EFNA5: variants seen among roughly 807,000 people sequenced by gnomAD.
EFNA5 encodes ephrin-A5.
In EFNA5, 5 loss-of-function variants were observed where a neutral mutation model predicts 22.9. That is an observed-to-expected ratio of 0.22 (90% confidence interval 0.11 to 0.46). EFNA5 has a LOEUF of 0.46. Among genes scored for constraint, EFNA5 ranks in the 20% least tolerant of loss-of-function variants. EFNA5 has a pLI of 0.99. For synonymous variants in EFNA5, 113 were observed against 112.2 expected, an observed-to-expected ratio of 1.01 and a Z score of -0.04; for missense variants, 237 against 293.3, an observed-to-expected ratio of 0.81 and a Z score of 1.40.
chr5:107,662,182 C>T (rs1048422008), intron 1 of EFNA5, among the ~76,000 whole-genome samples: 7 of 152,104 alleles, frequency 4.6e-5, no homozygotes, highest in Admixed American at 6.5e-5. Context: ...AAGTTTTCTG[C>T]GCAAAAATGG....
chr5:107,525,826 T>C (rs376697828), intron 1 of EFNA5, among the ~76,000 whole-genome samples: 2 of 152,098 alleles, frequency 1.3e-5, no homozygotes, highest in African/African-American at 2.4e-5. Flanking sequence ...TTAACTTTTA[T>C]TGAAAAAAAT....
At chr5:107,662,335 T>C (rs1024498069) in intron 1 of EFNA5, among the ~76,000 whole-genome samples, 2 of 152,180 alleles carry the variant, frequency 1.3e-5, no homozygotes, top group Non-Finnish European at 2.9e-5. Context: ...ATAAGTAATA[T>C]TTCACTGTGC....
chr5:107,586,849 G>C (rs569523018), intron 1 of EFNA5, among the ~76,000 whole-genome samples: 2 of 152,296 alleles, frequency 1.3e-5, no homozygotes, highest in East Asian at 3.9e-4. Context: ...GTTTTCAGCT[G>C]TTAAGCATAT....
chr5:107,643,049 A>T (rs1169812844), intron 1 of EFNA5, among the ~76,000 whole-genome samples: 1 of 152,190 alleles, frequency 6.6e-6, no homozygotes, highest in East Asian at 1.9e-4. Context: ...ATATTGAGAC[A>T]AATCAGTAGG....
chr5:107,521,777 G>C (rs1476136527), intron 1 of EFNA5, among the ~76,000 whole-genome samples: 1 of 152,124 alleles, frequency 6.6e-6, no homozygotes, highest in East Asian at 1.9e-4. Context: ...CCATCGTAAA[G>C]TGCATAAATT....
chr5:107,653,772 T>C (rs1241167693), intron 1 of EFNA5, among the ~76,000 whole-genome samples: 1 of 152,022 alleles, frequency 6.6e-6, no homozygotes, highest in Non-Finnish European at 1.5e-5. Context: ...CAACACTGAT[T>C]ATTGCAGTCT....
chr5:107,595,139 T>C lies in EFNA5; in HGVS notation c.125+75350A>G, dbSNP rs1053065031. ...AACCAAGATTGAACCTTTGGTTTAA[T>C]TTTTTTTTTTAAACTTTGATTACAC... On this transcript the variant is annotated intron_variant, in intron 1 of 4. Coordinates refer to ENST00000333274, the MANE Select transcript of EFNA5 (RefSeq NM_001962.3). Among the ~76,000 whole-genome samples the C allele has an allele frequency of 1.2e-4, 13 of 111,006 alleles. 1 individual carries two copies. Among genetic ancestry groups the C allele is most frequent in the South Asian group, 6.6e-4 (3 of 4,542 alleles). 72.8% of individuals were successfully genotyped at this position (111,006 alleles called of 152,430 possible).
intron 1 of EFNA5, among the ~76,000 whole-genome samples, chr5:107,573,247 G>A (rs568262600): frequency 1.2e-4 from 18 of 152,042 alleles, no homozygotes; most frequent in East Asian, 1.9e-4. Flanking sequence ...GCATCTAGGC[G>A]TGAGCAGAGA....
At chr5:107,496,051 C>A (rs541186035) in intron 1 of EFNA5, among the ~76,000 whole-genome samples, 1 of 150,848 alleles carries the variant, frequency 6.6e-6, no homozygotes, top group African/African-American at 2.4e-5. Flanking sequence ...AGCAGGCTGG[C>A]GCGGTGGCTC....
chr5:107,643,631 A>G (rs1383181260), intron 1 of EFNA5, among the ~76,000 whole-genome samples: 2 of 151,880 alleles, frequency 1.3e-5, no homozygotes, highest in Non-Finnish European at 2.9e-5. Context: ...CCTGAATGCC[A>G]CTAAAAGATC....
intron 2 of EFNA5, among the ~76,000 whole-genome samples, chr5:107,389,876 C>T (rs79952527): frequency 6.9e-4 from 105 of 152,346 alleles, no homozygotes; most frequent in Middle Eastern, 3.4e-3. Context: ...TCCCTAACAA[C>T]CTGCCCCACT....
intron 1 of EFNA5, among the ~76,000 whole-genome samples, chr5:107,504,338 T>G (rs1416712598): frequency 6.6e-6 from 1 of 151,898 alleles, no homozygotes; most frequent in Non-Finnish European, 1.5e-5. Flanking sequence ...TGAATGCTGT[T>G]AAGTAAAGCA....
At chr5:107,608,150 C>T (rs755252985) in intron 1 of EFNA5, among the ~76,000 whole-genome samples, 4 of 152,186 alleles carry the variant, frequency 2.6e-5, no homozygotes, top group Admixed American at 6.5e-5. Flanking sequence ...ACTTATCATA[C>T]AGAAATGTGT....
chr5:107,441,743 T>C (rs1311810627), intron 1 of EFNA5, among the ~76,000 whole-genome samples: 2 of 152,196 alleles, frequency 1.3e-5, no homozygotes, highest in African/African-American at 2.4e-5. Context: ...CTTCTGAATA[T>C]AACTAATATC....
At chr5:107,507,874 C>T (rs1354180099) in intron 1 of EFNA5, among the ~76,000 whole-genome samples, 2 of 152,100 alleles carry the variant, frequency 1.3e-5, no homozygotes, top group East Asian at 3.8e-4. Context: ...ATACATGGCT[C>T]ACATATTTCT....
intron 4 of EFNA5, among the ~76,000 whole-genome samples, chr5:107,383,460 A>G (rs1747523781): frequency 6.6e-6 from 1 of 152,188 alleles, no homozygotes; most frequent in Admixed American, 6.5e-5. Context: ...TAAAATCCAA[A>G]TCACTTTCTT....
chr5:107,591,019 T>C (rs1043465306), intron 1 of EFNA5, among the ~76,000 whole-genome samples: 1 of 152,166 alleles, frequency 6.6e-6, no homozygotes, highest in Admixed American at 6.5e-5. Flanking sequence ...TACTACCATC[T>C]GTTGTTTCAA....
At chr5:107,472,353 C>T (rs1750163659) in intron 1 of EFNA5, among the ~76,000 whole-genome samples, 1 of 152,162 alleles carries the variant, frequency 6.6e-6, no homozygotes, top group Non-Finnish European at 1.5e-5. Flanking sequence ...GACCGTGTTT[C>T]TCTCAGCTAC....
intron 1 of EFNA5, among the ~76,000 whole-genome samples, chr5:107,453,201 A>C (rs1464239337): frequency 6.6e-6 from 1 of 152,202 alleles, no homozygotes; most frequent in African/African-American, 2.4e-5. Context: ...CAGAATGTTC[A>C]GATAGAAAGA....
Sources: allele counts gnomAD v4.1 joint callset (sites outside exome capture counted in the v4.1 genomes callset), GRCh38; gene constraint gnomAD v4.1.1; transcripts MANE v1.5; gene names NCBI Gene and HGNC (gene_info 2026-07-23, HGNC 2026-07-21).